SYT3: variants seen among roughly 807,000 people sequenced by gnomAD.
SYT3 encodes the protein synaptotagmin 3, also known as synaptotagmin-3.
Under a neutral mutation model 50.6 loss-of-function variants are expected in SYT3, and 25 were observed. That is an observed-to-expected ratio of 0.49 (90% confidence interval 0.36 to 0.69). The LOEUF (loss-of-function observed/expected upper bound fraction) is 0.69. SYT3 is among the 30% of genes least tolerant of loss of function. The pLI, the probability that SYT3 is intolerant of heterozygous loss-of-function variation, is 0.00. For synonymous variants in SYT3, 323 were observed against 353.9 expected (o/e 0.91, Z 0.98); for missense variants, 589 against 793.6 (o/e 0.74, Z 3.10).
Position 50,632,963 on chromosome 19 carries a change from G to A in SYT3, c.149-152C>T, listed in dbSNP as rs1984372990. 3.8e-6 allele frequency: 2 copies of A among 523,870 alleles called. No homozygotes were observed. Among genetic ancestry groups the A allele is most frequent in the Non-Finnish European group, 3.2e-6 (1 of 317,106 alleles). The allele number at this position is 523,870 out of a possible 1,614,324, so 32.5% of individuals were successfully genotyped here. ...ACTTTACATGTATTACTTAATTTAT[G>A]TTCTACAACTCTACAAGGTTAAGTA... is the stretch of plus-strand genomic sequence containing the variant. On this transcript the variant is annotated intron_variant, in intron 3 of 10. Transcript: ENST00000600079. This position sits in a 1 kb window ranked among gnomAD's most constrained non-coding sequence, Gnocchi z 4.7.
At chr19:50,649,465 C>T in the SYT3 span, 3 of 1,536,196 alleles carry the variant, frequency 2.0e-6, no homozygotes. Flanking sequence ...AGGTGGAGCC[C>T]GTGTGCTTCC....
chr19:50,640,136 C>T (rs1355011721), upstream of SYT3, among the ~76,000 whole-genome samples: 1 of 152,204 alleles, frequency 6.6e-6, no homozygotes, highest in African/African-American at 2.4e-5. Context: ...CCCCAGGCCC[C>T]TCTTCCCAGG....
chr19:50,655,266 G>C, the SYT3 span, among the ~76,000 whole-genome samples: 16 of 152,278 alleles, frequency 1.1e-4, no homozygotes, highest in African/African-American at 3.9e-4. Context: ...AGACCAGTTA[G>C]CTGATGGTGG....
the SYT3 span, among the ~76,000 whole-genome samples, chr19:50,648,859 G>C: frequency 1.0e-3 from 152 of 152,256 alleles, no homozygotes; most frequent in Non-Finnish European, 1.8e-3. Context: ...ACAGAGGGGA[G>C]GGGGCCTCAA....
chr19:50,651,157 G>A, the SYT3 span, among the ~76,000 whole-genome samples: 1 of 152,186 alleles, frequency 6.6e-6, no homozygotes, highest in Non-Finnish European at 1.5e-5. Flanking sequence ...TGCTGGGAGA[G>A]GAGACGTGAA....
intron 6 of SYT3, among the ~76,000 whole-genome samples, chr19:50,626,829 G>A (rs1338402942): frequency 6.6e-6 from 1 of 151,802 alleles, no homozygotes. Flanking sequence ...CAGAGACAGT[G>A]GGTTGGGGGT....
At chr19:50,628,279 A>G (rs1014994761) in intron 6 of SYT3, among the ~76,000 whole-genome samples, 2 of 151,804 alleles carry the variant, frequency 1.3e-5, no homozygotes, top group African/African-American at 4.8e-5. Context: ...GGGGCAGAAG[A>G]GCTCAGGACA....
At chr19:50,630,753 C>G (rs1270659080) in intron 4 of SYT3, among the ~76,000 whole-genome samples, 1 of 152,126 alleles carries the variant, frequency 6.6e-6, no homozygotes, top group Non-Finnish European at 1.5e-5. Flanking sequence ...CTAGCTCCAG[C>G]CCAGACCTGT....
In SYT3 at chr19:50,633,897, G is replaced by A. The variant is rs114697374; in HGVS notation, c.149-1086C>T. Among the ~76,000 whole-genome samples, 924 of 152,274 alleles carry A rather than the reference G, an allele frequency of 6.1e-3. 10 individuals carry two copies. Among genetic ancestry groups the A allele is most frequent in the African/African-American group, 0.021 (866 of 41,562 alleles). ...GGTGGTAGAGTCAGGATTTAAGTCT[G>A]GGAAGCCTGGCTTCAGAGCCCATGG... is the stretch of plus-strand genomic sequence containing the variant. On this transcript the variant is annotated intron_variant, in intron 3 of 10. Coordinates refer to ENST00000600079, the MANE Select transcript of SYT3 (RefSeq NM_001160329.2).
chr19:50,634,097 C>T (rs1984415176), intron 3 of SYT3, among the ~76,000 whole-genome samples: 1 of 152,182 alleles, frequency 6.6e-6, no homozygotes, highest in African/African-American at 2.4e-5. Flanking sequence ...GCAGAGAAAC[C>T]CAAGTACAGA....
the SYT3 span, chr19:50,649,928 A>G: frequency 2.3e-6 from 1 of 438,940 alleles, no homozygotes; most frequent in Non-Finnish European, 4.6e-6. Context: ...TCCACCTCCC[A>G]CAATTCCCTC....
chr19:50,631,497 C>T (rs559014145), intron 4 of SYT3, among the ~76,000 whole-genome samples: 72 of 152,244 alleles, frequency 4.7e-4, no homozygotes, highest in African/African-American at 9.6e-4. Context: ...TATTCTCATG[C>T]CTTGGTGACT....
At chr19:50,651,397 G>C in the SYT3 span, among the ~76,000 whole-genome samples, 1 of 152,008 alleles carries the variant, frequency 6.6e-6, no homozygotes, top group East Asian at 1.9e-4. Context: ...CCTCTAGAGA[G>C]CCTTCCCTGA....
At chr19:50,623,085 G>C (rs1394655203) in intron 9 of SYT3, among the ~76,000 whole-genome samples, 1 of 149,148 alleles carries the variant, frequency 6.7e-6, no homozygotes, top group African/African-American at 2.5e-5. Context: ...GGGAGGGGAA[G>C]CTCTGGGTGT....
chr19:50,655,935 C>T, the SYT3 span: 1 of 987,326 alleles, frequency 1.0e-6, no homozygotes, highest in Non-Finnish European at 1.5e-6. Flanking sequence ...AACTCAACAT[C>T]TGGCATACAA....
At chr19:50,627,420 G>A (rs533402947) in intron 6 of SYT3, among the ~76,000 whole-genome samples, 14 of 152,222 alleles carry the variant, frequency 9.2e-5, no homozygotes, top group African/African-American at 3.1e-4. Context: ...AAAAAACAGT[G>A]GTTGAAGAAA....
rs1287508741 is a variant in SYT3, at chr19:50,629,991, G to A, written c.855C>T (p.Ser285=). The change falls in exon 5 of 11, where the codon AGC becomes AGT. Residue 285 remains serine (S), a synonymous_variant. Transcript: ENST00000600079. ...YQGTGPGGRR[S]GGGPGSGEAG... ...CCTCTCCAGAGCCTGGGCCCCCACC[G>A]CTCCGCCGGCCACCAGGGCCAGTCC... 1.2e-5 allele frequency: 20 copies of A among 1,613,542 alleles called. No homozygotes were observed. Among genetic ancestry groups the A allele is most frequent in the Admixed American group, 3.3e-5 (2 of 59,952 alleles).
the SYT3 span, among the ~76,000 whole-genome samples, chr19:50,650,678 AAAACAAAC>A: frequency 6.6e-6 from 1 of 152,180 alleles, no homozygotes; most frequent in Admixed American, 6.5e-5. Context: ...CTCAAAAAAC[AAAACAAAC>A]AAACAAACAA....
rs1984228593 is a variant in SYT3 at position 50,629,853 on chromosome 19, G to A, written c.993C>T (p.Ser331=). Residue 331 remains serine, a synonymous_variant, in exon 5 of 11, where the codon TCC becomes TCT. Transcript: ENST00000600079. ...TGACGTAGGGGTCTGAGAAGCCGTT[G>A]GAGTCCTTGGCAGGGAGGTCCAGGG... ...LQALDLPAKD[S]NGFSDPYVKI... 1 of 1,614,128 alleles carries A rather than the reference G, an allele frequency of 6.2e-7. No individual in the cohort carries two copies. The highest frequency in any genetic ancestry group is 1.1e-5 in the South Asian group (1 of 91,082).
Sources: allele counts gnomAD v4.1 joint callset (sites outside exome capture counted in the v4.1 genomes callset), GRCh38; gene constraint gnomAD v4.1.1; non-coding constraint Gnocchi (gnomAD v3.1); transcripts MANE v1.5; gene names NCBI Gene and HGNC (gene_info 2026-07-23, HGNC 2026-07-21).